Variants in MNAT1 observed in about 807,000 individuals in gnomAD.
MNAT1 encodes the protein MNAT1 component of CDK activating kinase.
MNAT1 carries 43 observed loss-of-function variants against 42.0 expected under a neutral mutation model. The observed-to-expected ratio is 1.02, with a 90% CI of 0.80 to 1.32. The LOEUF (loss-of-function observed/expected upper bound fraction) is 1.32. Ranked by LOEUF, MNAT1 falls within the 40% of genes most tolerant of loss-of-function variation. The pLI is 0.00. For missense variants in MNAT1, 306 were observed against 350.4 expected (o/e 0.87, Z 1.01); for synonymous variants, 118 against 120.0 (o/e 0.98, Z 0.11).
At chr14:60,819,006 G>A in intron 6 of MNAT1, 159 bp downstream of exon 6, 2 of 726,194 alleles carry the variant, frequency 2.8e-6, no homozygotes, top group Admixed American at 3.2e-5. Flanking sequence ...TGCAGTATGA[G>A]GAAAGTGAAA....
chr14:60,946,357 G>A (rs187349825), intron 7 of MNAT1, among the ~76,000 whole-genome samples: 1 of 152,206 alleles, frequency 6.6e-6, no homozygotes, highest in East Asian at 1.9e-4. Flanking sequence ...AGTGGAATTT[G>A]GCTTTTACTT....
At chr14:60,811,710 T>A (rs1276400693) in intron 4 of MNAT1, among the ~76,000 whole-genome samples, 1 of 152,210 alleles carries the variant, frequency 6.6e-6, no homozygotes, top group Non-Finnish European at 1.5e-5. Context: ...GTCATCTTTC[T>A]AAACTCATCC....
At chr14:60,939,831 G>A (rs948139763) in intron 7 of MNAT1, among the ~76,000 whole-genome samples, 6 of 152,126 alleles carry the variant, frequency 3.9e-5, no homozygotes, top group African/African-American at 1.4e-4. Context: ...TGAGAGTGGG[G>A]TGTTAAAGTC....
chr14:60,947,012 G>C (rs940902222), intron 7 of MNAT1, among the ~76,000 whole-genome samples: 3 of 152,136 alleles, frequency 2.0e-5, no homozygotes, highest in African/African-American at 7.2e-5. Flanking sequence ...GTTCTTGTAA[G>C]GGCATTAATA....
At chr14:60,738,400 C>T (rs992725204) in intron 1 of MNAT1, among the ~76,000 whole-genome samples, 2 of 151,558 alleles carry the variant, frequency 1.3e-5, no homozygotes, top group Admixed American at 1.3e-4. Flanking sequence ...GGACTACAGT[C>T]GCATGCCACC....
In MNAT1 at chr14:60,916,517, T is replaced by C. The variant is rs897713397; in HGVS notation, c.809+36682T>C. ...AAAAAATGTAAAAATTAGCCAGGGA[T>C]GGTGGCATGCATCTGTGTTCCCAGC... On this transcript the variant is annotated intron_variant, in intron 7 of 7. Transcript: ENST00000261245. Among the ~76,000 whole-genome samples, 6 of 152,056 alleles carry C rather than the reference T, an allele frequency of 3.9e-5. No homozygotes were observed. The South Asian group carries it at 6.2e-4, about 16-fold the overall frequency.
intron 1 of MNAT1, among the ~76,000 whole-genome samples, chr14:60,751,189 G>A (rs979582780): frequency 3.3e-5 from 5 of 150,532 alleles, no homozygotes; most frequent in African/African-American, 1.2e-4. Context: ...CTCTTTTTTT[G>A]TGTGTAAATC....
intron 7 of MNAT1, among the ~76,000 whole-genome samples, chr14:60,932,060 TGTTA>T (rs1279341251): frequency 6.6e-6 from 1 of 152,014 alleles, no homozygotes; most frequent in Middle Eastern, 3.4e-3. Context: ...ATTATAAGGA[TGTTA>T]GTTTTAATCA....
chr14:60,929,072 G>A (rs930235118), intron 7 of MNAT1, among the ~76,000 whole-genome samples: 2 of 147,648 alleles, frequency 1.4e-5, no homozygotes, highest in Admixed American at 1.4e-4. Flanking sequence ...ACTTGAACCT[G>A]GGAGGCAGAG....
At chr14:60,741,658 G>GTTTTT (rs3049888) in intron 1 of MNAT1, among the ~76,000 whole-genome samples, 22,640 of 91,840 alleles carry the variant, frequency 0.25, 2,095 homozygotes, top group East Asian at 0.37. Context: ...TGCGCCTGGG[G>GTTTTT]TTTTTTTTTT....
chr14:60,894,354 T>C (rs914385339), intron 7 of MNAT1, among the ~76,000 whole-genome samples: 7 of 152,104 alleles, frequency 4.6e-5, no homozygotes, highest in African/African-American at 1.7e-4. Flanking sequence ...GTCTGTTTCA[T>C]GGAATATCCT....
chr14:60,868,959 C>A (rs1317844671), intron 6 of MNAT1, among the ~76,000 whole-genome samples: 1 of 150,002 alleles, frequency 6.7e-6, no homozygotes, highest in African/African-American at 2.4e-5. Context: ...GATCATCTTG[C>A]AGTTGCCTTA....
At chr14:60,920,057 A>T (rs1388115410) in intron 7 of MNAT1, 1 of 153,362 alleles carries the variant, frequency 6.5e-6, no homozygotes, top group Non-Finnish European at 1.5e-5. Flanking sequence ...ACCTGCAGTG[A>T]CAAGGCATGG....
intron 7 of MNAT1, among the ~76,000 whole-genome samples, chr14:60,890,681 G>C (rs1457591089): frequency 6.6e-6 from 1 of 152,234 alleles, no homozygotes; most frequent in Non-Finnish European, 1.5e-5. Flanking sequence ...AGAACTTGGA[G>C]TCCAATGTTT....
intron 6 of MNAT1, among the ~76,000 whole-genome samples, chr14:60,864,629 A>T (rs911724794): frequency 6.6e-6 from 1 of 152,050 alleles, no homozygotes; most frequent in Non-Finnish European, 1.5e-5. Context: ...ACTGTTAGTA[A>T]TCCATTCCAT....
chr14:60,922,975 T>C (rs1164736604), intron 7 of MNAT1, among the ~76,000 whole-genome samples: 1 of 152,202 alleles, frequency 6.6e-6, no homozygotes, highest in African/African-American at 2.4e-5. Context: ...TAAGTATCTG[T>C]TATTTTGTTG....
intron 7 of MNAT1, among the ~76,000 whole-genome samples, chr14:60,909,863 A>T (rs2035307702): frequency 6.6e-6 from 1 of 151,964 alleles, no homozygotes; most frequent in Non-Finnish European, 1.5e-5. Flanking sequence ...CTGTGAAGAA[A>T]GTCATTGGTA....
intron 7 of MNAT1, among the ~76,000 whole-genome samples, chr14:60,945,152 G>A (rs564224356): frequency 6.6e-6 from 1 of 152,114 alleles, no homozygotes; most frequent in Non-Finnish European, 1.5e-5. Context: ...ATACTTTCTT[G>A]TTCAAGGTAT....
chr14:60,925,009 A>G (rs544401509), intron 7 of MNAT1, among the ~76,000 whole-genome samples: 83 of 152,356 alleles, frequency 5.4e-4, no homozygotes, highest in African/African-American at 2.0e-3. Flanking sequence ...ATAGCAGCTG[A>G]ACTCAGATAC....
Sources: gnomAD v4.1 joint callset for allele counts (sites outside exome capture counted in the v4.1 genomes callset) on GRCh38, gnomAD v4.1.1 for gene constraint, MANE v1.5 for transcripts, NCBI Gene and HGNC (gene_info 2026-07-23, HGNC 2026-07-21) for gene names.